PRKG1: variants seen among roughly 807,000 people sequenced by gnomAD.
PRKG1 encodes the protein protein kinase cGMP-dependent 1.
PRKG1 carries 35 observed loss-of-function variants against 88.1 expected under a neutral mutation model. That is an observed-to-expected ratio of 0.40 (90% CI 0.30 to 0.53). The LOEUF (loss-of-function observed/expected upper bound fraction) is 0.53. Ranked by LOEUF, PRKG1 falls within the 20% of genes least tolerant of loss-of-function variation. The pLI is 0.59. For missense variants in PRKG1, 540 were observed against 839.8 expected (o/e 0.64, Z 4.41); for synonymous variants, 303 against 292.5 (o/e 1.04, Z -0.37).
chr10:51,112,238 C>G (rs975880956), intron 1 of PRKG1, among the ~76,000 whole-genome samples: 1 of 152,036 alleles, frequency 6.6e-6, no homozygotes, highest in African/African-American at 2.4e-5. Flanking sequence ...AAAACATGTA[C>G]TGGTTTCCTA....
chr10:52,093,465 A>T (rs1331270399), intron 7 of PRKG1, among the ~76,000 whole-genome samples: 1 of 152,164 alleles, frequency 6.6e-6, no homozygotes, highest in Non-Finnish European at 1.5e-5. Flanking sequence ...TTGAAAATGT[A>T]CATGTGAAAG....
chr10:51,434,636 G>T (rs1459369029), intron 2 of PRKG1, among the ~76,000 whole-genome samples: 1 of 152,066 alleles, frequency 6.6e-6, no homozygotes, highest in Non-Finnish European at 1.5e-5. Context: ...AGGACAATCA[G>T]CTGTTTAAAA....
chr10:52,129,064 T>C (rs749401437), intron 7 of PRKG1, among the ~76,000 whole-genome samples: 10 of 152,206 alleles, frequency 6.6e-5, no homozygotes, highest in Non-Finnish European at 1.0e-4. Context: ...AATTATTAAA[T>C]ACCCTGATCT....
intron 2 of PRKG1, among the ~76,000 whole-genome samples, chr10:51,370,790 G>A (rs992314160): frequency 7.9e-5 from 12 of 151,690 alleles, no homozygotes; most frequent in Non-Finnish European, 1.8e-4. Flanking sequence ...TTTACATGAG[G>A]TTTTTTTTCA....
intron 8 of PRKG1, among the ~76,000 whole-genome samples, chr10:52,149,674 G>A (rs1837846816): frequency 6.6e-6 from 1 of 150,480 alleles, no homozygotes; most frequent in African/African-American, 2.4e-5. Context: ...GTGGCTCCTT[G>A]ATCGTGGACT....
At chr10:51,744,350 C>T (rs920046847) in intron 3 of PRKG1, among the ~76,000 whole-genome samples, 6 of 152,114 alleles carry the variant, frequency 3.9e-5, no homozygotes, top group Non-Finnish European at 7.4e-5. Context: ...ACCAGAGTCC[C>T]AACTCTAAGC....
intron 2 of PRKG1, among the ~76,000 whole-genome samples, chr10:51,219,576 G>A (rs977186582): frequency 8.6e-5 from 13 of 151,938 alleles, no homozygotes; most frequent in Non-Finnish European, 1.8e-4. Flanking sequence ...CGGGTGTGGT[G>A]GCAGGTGCCT....
intron 1 of PRKG1, among the ~76,000 whole-genome samples, chr10:51,055,295 A>AT (rs1196451930): frequency 6.6e-6 from 1 of 152,158 alleles, no homozygotes; most frequent in Non-Finnish European, 1.5e-5. Context: ...AGTTAGAGGA[A>AT]TTGGAGTGGC....
At chr10:51,160,779 T>A (rs1381983809) in intron 2 of PRKG1, among the ~76,000 whole-genome samples, 3 of 152,130 alleles carry the variant, frequency 2.0e-5, no homozygotes, top group African/African-American at 7.2e-5. Flanking sequence ...TGGAACTTAA[T>A]CCTTATTGAA....
At chr10:51,942,596 T>A (rs1044453140) in intron 5 of PRKG1, among the ~76,000 whole-genome samples, 17 of 147,916 alleles carry the variant, frequency 1.1e-4, no homozygotes, top group Non-Finnish European at 5.9e-5. Flanking sequence ...GTCTAACGTT[T>A]AAGTCTTTAA....
chr10:51,581,400 C>A (rs888802793), intron 3 of PRKG1, among the ~76,000 whole-genome samples: 5 of 152,052 alleles, frequency 3.3e-5, no homozygotes, highest in Admixed American at 2.6e-4. Context: ...AGGGAGTATG[C>A]CCTAACCCTA....
At chr10:51,715,248 A>T (rs1589226787) in intron 3 of PRKG1, among the ~76,000 whole-genome samples, 1 of 152,142 alleles carries the variant, frequency 6.6e-6, no homozygotes, top group African/African-American at 2.4e-5. Flanking sequence ...TACAACTTAG[A>T]TTTCATTTTT....
chr10:51,226,668 T>C (rs1021294385), intron 2 of PRKG1, among the ~76,000 whole-genome samples: 3 of 152,194 alleles, frequency 2.0e-5, no homozygotes, highest in African/African-American at 4.8e-5. Flanking sequence ...GGTTAGTTCC[T>C]ATCTTGAATA....
At chr10:52,036,892 A>G (rs1845627577) in intron 5 of PRKG1, among the ~76,000 whole-genome samples, 1 of 152,172 alleles carries the variant, frequency 6.6e-6, no homozygotes, top group African/African-American at 2.4e-5. Flanking sequence ...CAGGCCCTTG[A>G]AAAGAAGGTA....
chr10:51,530,506 A>T (rs1272400439), intron 3 of PRKG1, among the ~76,000 whole-genome samples: 3 of 152,150 alleles, frequency 2.0e-5, no homozygotes, highest in African/African-American at 7.2e-5. Flanking sequence ...GCTATTCCAA[A>T]TCACACTCTT....
chr10:52,075,917 T>A (rs1846617049), intron 7 of PRKG1, among the ~76,000 whole-genome samples: 1 of 152,078 alleles, frequency 6.6e-6, no homozygotes, highest in Admixed American at 6.5e-5. Flanking sequence ...AACCTAAGGA[T>A]CTCCCAAAGG....
At chr10:51,948,623 A>G in intron 5 of PRKG1, among the ~76,000 whole-genome samples, 1 of 152,010 alleles carries the variant, frequency 6.6e-6, no homozygotes, top group Admixed American at 6.6e-5. Flanking sequence ...ATTTAAATTC[A>G]GTCTTGGTGA....
At chr10:52,274,270 C>G (rs568357837) in intron 12 of PRKG1, among the ~76,000 whole-genome samples, 1 of 147,478 alleles carries the variant, frequency 6.8e-6, no homozygotes, top group East Asian at 2.1e-4. Flanking sequence ...CTATCCCTCA[C>G]CCCCCTCCGA....
intron 1 of PRKG1, among the ~76,000 whole-genome samples, chr10:51,004,250 G>A (rs1302443226): frequency 6.6e-6 from 1 of 152,130 alleles, no homozygotes; most frequent in Non-Finnish European, 1.5e-5. Flanking sequence ...GATCACCTGA[G>A]GCTGGGAGTT....
Sources: allele counts gnomAD v4.1 joint callset (sites outside exome capture counted in the v4.1 genomes callset), GRCh38; gene constraint gnomAD v4.1.1; transcripts MANE v1.5; gene names NCBI Gene and HGNC (gene_info 2026-07-23, HGNC 2026-07-21).